Variants in CIBAR2 observed in about 807,000 individuals in gnomAD.
CIBAR2 encodes the protein CBY1-interacting BAR domain-containing protein 2.
A neutral mutation model predicts 36.2 loss-of-function variants in CIBAR2; 38 were observed. That is an observed-to-expected ratio of 1.05 (90% CI 0.81 to 1.38). The LOEUF (loss-of-function observed/expected upper bound fraction) is 1.38, where lower values mean the gene tolerates loss of function less well. Ranked by LOEUF, CIBAR2 falls within the 40% of genes most tolerant of loss-of-function variation. The pLI is 0.00. For missense variants in CIBAR2, 481 were observed against 383.4 expected (o/e 1.25, Z -2.13); for synonymous variants, 182 against 149.5 (o/e 1.22, Z -1.58).
Position 85,099,181 on chromosome 16 carries a change from G to A in CIBAR2, c.*4C>T, listed in dbSNP as rs375009600. ...CGGCTTGGGATTGCACTTACCCTAC[G>A]TCGTTAGAGAGAATGTCCTGGAAGC... On this transcript the variant is annotated 3_prime_UTR_variant, in exon 9 of 9. Transcript: ENST00000539556. 8 of 1,557,354 alleles carry A rather than the reference G, an allele frequency of 5.1e-6. No individual in the cohort carries two copies. Among genetic ancestry groups the A allele is most frequent in the Admixed American group, 2.0e-5 (1 of 50,738 alleles).
At position 85,109,329 on chromosome 16, in the gene CIBAR2, T is replaced by C. The variant is rs138935232; in HGVS notation, c.255+897A>G. Among the ~76,000 whole-genome samples the C allele has an allele frequency of 1.1e-3, 162 of 152,108 alleles. 1 individual carries two copies. Among genetic ancestry groups the C allele is most frequent in the African/African-American group, 3.7e-3 (152 of 41,492 alleles). On this transcript the variant is annotated intron_variant, in intron 2 of 8. Coordinates refer to ENST00000539556, the MANE Select transcript of CIBAR2 (RefSeq NM_198491.3). Reference sequence around the variant, plus strand: ...ACCAGGTGAAAGTAGGATGTACTGGTGAGAAATGGGGTTGTCAAGGCCTCT... The same window carrying C: ...ACCAGGTGAAAGTAGGATGTACTGGCGAGAAATGGGGTTGTCAAGGCCTCT...
rs921012667 is a variant in CIBAR2, at chr16:85,099,099, GA to G, written c.*85del. 36 of 1,419,508 alleles carry G rather than the reference GA, an allele frequency of 2.5e-5. 1 individual carries two copies. The Admixed American group carries it at 9.5e-4, about 37-fold the overall frequency. 87.9% of individuals were successfully genotyped at this position (1,419,508 alleles called of 1,614,324 possible). On this transcript the variant is annotated 3_prime_UTR_variant, in exon 9 of 9. Coordinates refer to ENST00000539556, the MANE Select transcript of CIBAR2 (RefSeq NM_198491.3). ...ATTAACACAATCCAACAAAGACAAA[GA>G]AAAAAGAATCAGAAAATAAGAACAA...
chr16:85,110,316 G>T lies in CIBAR2; in HGVS notation c.165C>A (p.Asp55Glu). 6.2e-7 allele frequency: 1 copy of T among 1,612,820 alleles called. No individual in the cohort carries two copies. Among genetic ancestry groups the T allele is most frequent in the East Asian group, 2.2e-5 (1 of 44,850 alleles). ...GCTCGGGGTTCTCGGAGTTGGCAAA[G>T]TCGATGAGCTGCTTGACCAGCTGGT... ...KADQLVKQLI[D>E]FANSENPELR... The change falls in exon 2 of 9, where the codon GAC becomes GAA. Residue 55 changes from aspartate to glutamate, a missense_variant. Asp to Glu is a conservative substitution (Grantham distance 45). Transcript: ENST00000539556.
chr16:85,101,616 T>C (rs982270187), intron 7 of CIBAR2, among the ~76,000 whole-genome samples: 16 of 152,188 alleles, frequency 1.1e-4, no homozygotes, highest in Non-Finnish European at 1.9e-4. Context: ...CAAAACTACA[T>C]CAAGCATCAG....
rs62049955 is a variant in CIBAR2, at chr16:85,100,698, C to T, written c.652-458G>A. On this transcript the variant is annotated intron_variant, in intron 7 of 8. Coordinates refer to ENST00000539556, the MANE Select transcript of CIBAR2 (RefSeq NM_198491.3). ...TACAGGCAGCCTCAGAGATTCACTT[C>T]TAACAAATGGAATATGGCAAAGCCA... is the stretch of plus-strand genomic sequence containing the variant. Among the ~76,000 whole-genome samples, 724 of 152,282 alleles carry T rather than the reference C, an allele frequency of 4.8e-3. 7 individuals are homozygous for T. Among genetic ancestry groups the T allele is most frequent in the Middle Eastern group, 0.027 (8 of 294 alleles).
chr16:85,105,039 G>A (rs1286826783), intron 6 of CIBAR2, among the ~76,000 whole-genome samples: 1 of 152,250 alleles, frequency 6.6e-6, no homozygotes, highest in East Asian at 1.9e-4. Flanking sequence ...TGTGTGTGGA[G>A]GCAGACAAAC....
At position 85,102,222 on chromosome 16, in the gene CIBAR2, C is replaced by A. The variant is rs780631829; in HGVS notation, c.643G>T (p.Asp215Tyr). 1 of 1,571,896 alleles carries A rather than the reference C, an allele frequency of 6.4e-7. No individual in the cohort carries two copies. The highest frequency in any genetic ancestry group is 1.1e-5 in the South Asian group (1 of 90,296). ...QTLEKYDLER[D>Y]LLDFRAKMQG... ...GGGTGTCTGTGACTCACCAGTAGAT[C>A]CCTCTCCAGGTCATACTTCTCCAGG... Residue 215 changes from aspartate to tyrosine, a missense_variant, in exon 7 of 9, where the codon GAT (aspartate) becomes TAT (tyrosine). By Grantham distance (160) the Asp-to-Tyr change is radical (BLOSUM62 -3). Transcript: ENST00000539556.
chr16:85,112,445 G>A lies in CIBAR2; in HGVS notation c.-93C>T. 1.5e-6 allele frequency: 2 copies of A among 1,299,226 alleles called. No individual in the cohort carries two copies. The highest frequency in any genetic ancestry group is 1.5e-5 in the African/African-American group (1 of 68,294). The allele number at this position is 1,299,226 out of a possible 1,614,324, so 80.5% of individuals were successfully genotyped here. A position where few individuals can be genotyped will look rare whatever the true frequency, so the allele number is the denominator to read the frequency against. On this transcript the variant is annotated 5_prime_UTR_variant, in exon 1 of 9. Coordinates refer to ENST00000539556, the MANE Select transcript of CIBAR2 (RefSeq NM_198491.3). ...TGGGAGGAGCCGGGCAGGGCTGGGTGCAGCTGTGTGGCCTGGGCTCAAGGG... is the reference window on the plus strand; with the variant it reads ...TGGGAGGAGCCGGGCAGGGCTGGGTACAGCTGTGTGGCCTGGGCTCAAGGG...
chr16:85,102,044 C>T (rs892295798), intron 7 of CIBAR2, among the ~76,000 whole-genome samples, 170 bp downstream of exon 7: 1 of 152,168 alleles, frequency 6.6e-6, no homozygotes, highest in African/African-American at 2.4e-5. Flanking sequence ...AAATTATCCT[C>T]ACTTTGGCAC....
intron 8 of CIBAR2, 136 bp from the exon 9 acceptor site, chr16:85,099,482 G>C (rs968372696): frequency 7.8e-6 from 5 of 638,604 alleles, no homozygotes; most frequent in African/African-American, 3.7e-5. Context: ...GGCTGGGATG[G>C]AGGTGTGGAC....
In CIBAR2 at chr16:85,099,140, C is replaced by G. The variant is rs1318328290; in HGVS notation, c.*45G>C. On this transcript the variant is annotated 3_prime_UTR_variant, in exon 9 of 9. Coordinates refer to ENST00000539556, the MANE Select transcript of CIBAR2 (RefSeq NM_198491.3). ...AATAAGAACAAAGCCTCCAGGCAGT[C>G]TGGGATTATTTTAAACGGCTTGGGA... 6.8e-7 allele frequency: 1 copy of G among 1,464,106 alleles called. No homozygotes were observed. The highest frequency in any genetic ancestry group is 1.5e-5 in the South Asian group (1 of 68,096). The allele number at this position is 1,464,106 out of a possible 1,614,324, so 90.7% of individuals were successfully genotyped here.
chr16:85,109,662 G>C (rs2074025062), intron 2 of CIBAR2, among the ~76,000 whole-genome samples: 1 of 152,130 alleles, frequency 6.6e-6, no homozygotes, highest in African/African-American at 2.4e-5. Flanking sequence ...TGGGACCACA[G>C]CTGCTTATTT....
rs1405487910 is a variant in CIBAR2, at chr16:85,110,201, C to T, written c.255+25G>A. On this transcript the variant is annotated intron_variant, in intron 2 of 8. Transcript: ENST00000539556. ...TGGAGCCTGGGTACCCCTCAGCATC[C>T]CAGACCCGGGCCGGCAGCACTCACC... is the stretch of plus-strand genomic sequence containing the variant. The T allele has an allele frequency of 7.9e-6, 12 of 1,525,786 alleles. 1 individual carries two copies. In the South Asian group the frequency reaches 1.4e-4, roughly 17 times the overall value. 94.5% of individuals were successfully genotyped at this position (1,525,786 alleles called of 1,614,324 possible).
rs887852586 is a variant in CIBAR2, at chr16:85,110,289, C to A, written c.192G>T (p.Leu64=). 1.2e-6 allele frequency: 2 copies of A among 1,609,768 alleles called. No individual in the cohort carries two copies. Among genetic ancestry groups the A allele is most frequent in the East Asian group, 2.2e-5 (1 of 44,764 alleles). The part of the protein sequence containing the change: ...IDFANSENPE[L]RATMRGFAED... The stretch of plus-strand genomic sequence containing the variant: ...CAGCGAAGCCCCTCATGGTGGCCCG[C>A]AGCTCGGGGTTCTCGGAGTTGGCAA... The change falls in exon 2 of 9, where the codon CTG becomes CTT. Residue 64 remains leucine (L), a synonymous_variant. Transcript: ENST00000539556.
intron 6 of CIBAR2, among the ~76,000 whole-genome samples, chr16:85,104,794 G>T (rs957268751): frequency 6.6e-6 from 1 of 152,192 alleles, no homozygotes; most frequent in African/African-American, 2.4e-5. Flanking sequence ...AAGAGATGGG[G>T]AAGGAATCTC....
intron 5 of CIBAR2, 59 bp from the exon 6 acceptor site, chr16:85,105,490 A>G: frequency 3.3e-6 from 4 of 1,220,660 alleles, no homozygotes; most frequent in Non-Finnish European, 4.8e-6. Flanking sequence ...GCCCTTAGAC[A>G]CCTTTCTGAA....
At chr16:85,111,881 C>A (rs763527825) in intron 1 of CIBAR2, among the ~76,000 whole-genome samples, 1 of 152,118 alleles carries the variant, frequency 6.6e-6, no homozygotes, top group East Asian at 1.9e-4. Flanking sequence ...ACATTGGTTG[C>A]TTGAGAGGTT....
At chr16:85,107,820 C>T (rs757242828) in intron 4 of CIBAR2, 26 bp downstream of exon 4, 5 of 1,600,894 alleles carry the variant, frequency 3.1e-6, no homozygotes, top group Non-Finnish European at 4.3e-6. Flanking sequence ...CCGGCAGCCC[C>T]AGGCCCCACT....
chr16:85,105,483 C>T, intron 5 of CIBAR2, 52 bp from the exon 6 acceptor site: 1 of 1,282,354 alleles, frequency 7.8e-7, no homozygotes, highest in South Asian at 1.2e-5. Context: ...GCTTCTGGCC[C>T]TTAGACACCT....
Sources: gnomAD v4.1 joint callset for allele counts (sites outside exome capture counted in the v4.1 genomes callset) on GRCh38, gnomAD v4.1.1 for gene constraint, MANE v1.5 for transcripts, NCBI Gene and HGNC (gene_info 2026-07-23, HGNC 2026-07-21) for gene names.